The following GSN variants were observed in gnomAD, a reference collection of about 807,000 sequenced individuals.
The protein encoded by GSN is gelsolin.
Under a neutral mutation model 85.7 loss-of-function variants are expected in GSN, and 56 were observed. That is an observed-to-expected ratio of 0.65 (90% CI 0.53 to 0.82). The LOEUF is 0.82. Ranked by LOEUF, GSN falls within the 40% of genes least tolerant of loss-of-function variation. The probability of loss-of-function intolerance (pLI) is 0.00; values close to 1 mark genes in which losing one functional copy is unlikely to be tolerated. For missense variants in GSN, 857 were observed against 979.8 expected (o/e 0.87, Z 1.67); for synonymous variants, 373 against 399.1 (o/e 0.93, Z 0.78).
At chr9:121,286,292 A>C (rs1449103477) in intron 2 of GSN, 2 of 716,086 alleles carry the variant, frequency 2.8e-6, no homozygotes, top group South Asian at 3.5e-5. Flanking sequence ...AACACCAGCC[A>C]GGCCCCCTGC....
upstream of GSN, among the ~76,000 whole-genome samples, chr9:121,206,527 C>G (rs1564328925): frequency 6.6e-6 from 1 of 152,134 alleles, no homozygotes. Flanking sequence ...TCCCCATACA[C>G]CTTATACCAC....
chr9:121,301,681 G>A (rs1300813652), intron 2 of GSN, among the ~76,000 whole-genome samples: 1 of 151,788 alleles, frequency 6.6e-6, no homozygotes, highest in Non-Finnish European at 1.5e-5. Flanking sequence ...GAGCAGGGAG[G>A]TAGAGCCCTC....
intron 2 of GSN, among the ~76,000 whole-genome samples, chr9:121,300,684 C>G (rs1270861416): frequency 2.0e-5 from 3 of 152,184 alleles, no homozygotes; most frequent in East Asian, 3.8e-4. Flanking sequence ...AATAGCCTCC[C>G]CATTTTTAAC....
chr9:121,300,205 A>G, intron 2 of GSN: 1 of 984,700 alleles, frequency 1.0e-6, no homozygotes, highest in South Asian at 1.3e-5. Context: ...GTTCCTTCCC[A>G]GGAAGCTAAC....
intron 13 of GSN, 66 bp from the exon 14 acceptor site, chr9:121,327,241 TG>T: frequency 7.7e-7 from 1 of 1,306,012 alleles, no homozygotes; most frequent in Non-Finnish European, 1.1e-6. Context: ...CGGGGTCTCC[TG>T]GGCTGTGAGG....
Position 121,316,529 on chromosome 9 carries a change from G to A in GSN, c.754-557G>A, listed in dbSNP as rs558607083. Among the ~76,000 whole-genome samples the A allele has an allele frequency of 2.0e-5, 3 of 152,128 alleles. No individual in the cohort carries two copies. The South Asian group carries it at 6.2e-4, about 32-fold the overall frequency. On this transcript the variant is annotated intron_variant, in intron 7 of 17. Coordinates refer to ENST00000432226, the MANE Select transcript of GSN (RefSeq NM_198252.3). ...TCTGTTACCCAGGCTGGAGTGTAGT[G>A]ACGCAATCATAGCTCACTATAGCCC...
intron 4 of GSN, 133 bp from the exon 5 acceptor site, chr9:121,310,551 A>G (rs1192645296): frequency 2.6e-6 from 2 of 783,262 alleles, no homozygotes; most frequent in African/African-American, 1.7e-5. Flanking sequence ...GAGTTAACTG[A>G]GAATCACTGT....
At chr9:121,242,474 C>T (rs540674660) in intron 5 of GSN, among the ~76,000 whole-genome samples, 5 of 136,702 alleles carry the variant, frequency 3.7e-5, no homozygotes, top group Admixed American at 3.1e-4. Flanking sequence ...AGAGGAGTAA[C>T]GAACCAAATG....
chr9:121,309,968 AAG>A (rs60771525), intron 4 of GSN: 29 of 151,940 alleles, frequency 1.9e-4, no homozygotes, highest in Non-Finnish European at 3.5e-4. Flanking sequence ...GAAAGGAAGG[AAG>A]AGAGAGAGAG....
chr9:121,228,150 C>A (rs569155444), intron 4 of GSN, among the ~76,000 whole-genome samples: 1 of 152,074 alleles, frequency 6.6e-6, no homozygotes, highest in African/African-American at 2.4e-5. Context: ...GTTGTAATTA[C>A]CTACTCAAAT....
chr9:121,332,449 A>G lies in GSN; in HGVS notation c.2042A>G (p.Glu681Gly). Residue 681 changes from glutamate (E) to glycine (G), a missense_variant, in exon 18 of 18, where the codon GAG becomes GGG. By Grantham distance (98) the Glu-to-Gly change is moderately conservative (BLOSUM62 -2). Coordinates refer to ENST00000432226, the MANE Select transcript of GSN (RefSeq NM_198252.3). This position sits in a 1 kb window ranked among gnomAD's most constrained non-coding sequence, Gnocchi z 4.8. ...GTGTCTGCAGCTAAGCGGTACATCG[A>G]GACGGACCCAGCCAATCGGGATCGG... ...EALTSAKRYIETDPANRDRRT... is the reference protein window; with the variant it reads ...EALTSAKRYIGTDPANRDRRT... 1 of 1,614,146 alleles carries G rather than the reference A, an allele frequency of 6.2e-7. No homozygotes were observed. The highest frequency in any genetic ancestry group is 8.5e-7 in the Non-Finnish European group (1 of 1,179,974).
chr9:121,206,560 C>T (rs1009267617), upstream of GSN, among the ~76,000 whole-genome samples: 3 of 152,096 alleles, frequency 2.0e-5, no homozygotes, highest in Non-Finnish European at 2.9e-5. Flanking sequence ...AATATCCTCT[C>T]GTGTCACAGC....
At chr9:121,209,761 A>G (rs1025600667) in intron 2 of GSN, among the ~76,000 whole-genome samples, 1 of 152,266 alleles carries the variant, frequency 6.6e-6, no homozygotes, top group African/African-American at 2.4e-5. Context: ...TATTTCCAAG[A>G]GCCAATACAT....
chr9:121,305,715 G>C (rs1445662341), intron 4 of GSN, among the ~76,000 whole-genome samples: 2 of 152,234 alleles, frequency 1.3e-5, no homozygotes, highest in African/African-American at 4.8e-5. Flanking sequence ...GCTGGGCCCA[G>C]ATTTGGGGCT....
chr9:121,266,278 A>G (rs866790712), upstream of GSN, among the ~76,000 whole-genome samples: 2 of 152,184 alleles, frequency 1.3e-5, no homozygotes, highest in Non-Finnish European at 2.9e-5. Flanking sequence ...CTCCAGTTCT[A>G]TGGGGACACA....
chr9:121,322,670 G>A (rs943665955), intron 11 of GSN, among the ~76,000 whole-genome samples: 1 of 152,192 alleles, frequency 6.6e-6, no homozygotes, highest in Admixed American at 6.5e-5. Flanking sequence ...CAAGCAACCT[G>A]TGAGAGTCCC....
At chr9:121,320,538 G>A (rs1415894346) in intron 10 of GSN, among the ~76,000 whole-genome samples, 1 of 152,010 alleles carries the variant, frequency 6.6e-6, no homozygotes, top group Non-Finnish European at 1.5e-5. Flanking sequence ...CCAGCTACTC[G>A]GGAGGCTGAG....
chr9:121,318,305 G>A lies in GSN; in HGVS notation c.887-101G>A. 1.1e-6 allele frequency: 1 copy of A among 941,390 alleles called. No individual in the cohort carries two copies. Among genetic ancestry groups the A allele is most frequent in the Non-Finnish European group, 1.8e-6 (1 of 568,086 alleles). 58.3% of individuals were successfully genotyped at this position (941,390 alleles called of 1,614,324 possible). A position where few individuals can be genotyped will look rare whatever the true frequency, so the allele number is the denominator to read the frequency against. On this transcript the variant is annotated intron_variant, in intron 8 of 17. Transcript: ENST00000432226. The surrounding 1 kb of genome is among the most constrained non-coding windows in gnomAD (Gnocchi z 4.3). ...GCTGTCCACAGTCTAAGAAGAGTAG[G>A]GAGGGAAGTTTGGCAGCTCCTTCTC...
At position 121,277,461 on chromosome 9, in the gene GSN, CT is replaced by C. The variant is rs568881097; in HGVS notation, c.-102-4008del. 4.6e-5 allele frequency among the ~76,000 whole-genome samples: 7 copies of C among 152,270 alleles called. No homozygotes were observed. In the East Asian group the frequency reaches 1.2e-3, roughly 25 times the overall value. On this transcript the variant is annotated intron_variant, in intron 1 of 17. Transcript: ENST00000432226. ...TTCAGTTGCAAGATTTGAAAACAAT[CT>C]GTTATTAGTGTAGAATCAATACTTA...
Sources: allele counts gnomAD v4.1 joint callset (sites outside exome capture counted in the v4.1 genomes callset), GRCh38; gene constraint gnomAD v4.1.1; non-coding constraint Gnocchi (gnomAD v3.1); transcripts MANE v1.5; gene names NCBI Gene and HGNC (gene_info 2026-07-23, HGNC 2026-07-21).